Variants in RUNDC3B observed in about 807,000 individuals in gnomAD.
RUNDC3B encodes the protein RUN domain containing 3B.
In RUNDC3B, 33 loss-of-function variants were observed where a neutral mutation model predicts 58.4. The ratio of observed to expected loss-of-function variants is 0.56; its 90% CI spans 0.43 to 0.75. The LOEUF is 0.75. Ranked by LOEUF, RUNDC3B falls within the 30% of genes least tolerant of loss-of-function variation. RUNDC3B has a pLI of 0.00. For synonymous variants in RUNDC3B, 193 were observed against 195.2 expected, an observed-to-expected ratio of 0.99 and a Z score of 0.10; for missense variants, 501 against 535.7, an observed-to-expected ratio of 0.94 and a Z score of 0.64.
intron 4 of RUNDC3B, among the ~76,000 whole-genome samples, chr7:87,736,855 CTATATATATATA>C (rs1554479935): frequency 9.9e-4 from 36 of 36,218 alleles, no homozygotes; most frequent in South Asian, 9.5e-3. Flanking sequence ...ATATATATAC[CTATATATATATA>C]TATATATATA....
intron 2 of RUNDC3B, among the ~76,000 whole-genome samples, chr7:87,674,908 C>T (rs868337321): frequency 6.6e-6 from 1 of 152,116 alleles, no homozygotes; most frequent in Admixed American, 6.5e-5. Context: ...CATGGTAAGC[C>T]TTGGGGGAGG....
chr7:87,802,940 G>A (rs1306045534), intron 8 of RUNDC3B, among the ~76,000 whole-genome samples: 2 of 152,004 alleles, frequency 1.3e-5, no homozygotes, highest in African/African-American at 2.4e-5. Context: ...AGCCATGATC[G>A]TATCACTGCA....
chr7:87,631,038 T>A (rs544468558), intron 1 of RUNDC3B, among the ~76,000 whole-genome samples: 7 of 152,350 alleles, frequency 4.6e-5, no homozygotes, highest in African/African-American at 1.7e-4. Flanking sequence ...TTAGTTACAG[T>A]TTACACATAG....
chr7:87,683,532 T>C (rs1322283424), intron 2 of RUNDC3B, among the ~76,000 whole-genome samples: 1 of 152,148 alleles, frequency 6.6e-6, no homozygotes, highest in East Asian at 1.9e-4. Context: ...CTCAAGGGAA[T>C]AGGGAGACCT....
chr7:87,742,151 A>G lies in RUNDC3B; in HGVS notation c.629+572A>G, dbSNP rs533087999. ...AAATAATAATTAATGACATCTATGT[A>G]TGTTTCTAAGGTCTGCTTGAAAGAT... On this transcript the variant is annotated intron_variant, in intron 6 of 10. Coordinates refer to ENST00000394654, the MANE Select transcript of RUNDC3B (RefSeq NM_001134405.2). Among the ~76,000 whole-genome samples, 12 of 152,298 alleles carry G rather than the reference A, an allele frequency of 7.9e-5. No individual in the cohort carries two copies. The South Asian group carries it at 2.1e-3, about 26-fold the overall frequency.
intron 8 of RUNDC3B, among the ~76,000 whole-genome samples, chr7:87,798,457 T>G (rs1835932482): frequency 6.6e-6 from 1 of 152,154 alleles, no homozygotes; most frequent in African/African-American, 2.4e-5. Context: ...TTACATTTCT[T>G]TTTATTTTTG....
At chr7:87,670,233 G>T (rs1825688889) in intron 2 of RUNDC3B, among the ~76,000 whole-genome samples, 1 of 152,154 alleles carries the variant, frequency 6.6e-6, no homozygotes. Context: ...TTCAGGTGCT[G>T]AGATTCTTTT....
chr7:87,820,469 A>G (rs1837355452), intron 10 of RUNDC3B, among the ~76,000 whole-genome samples: 1 of 152,124 alleles, frequency 6.6e-6, no homozygotes. Flanking sequence ...ACAAGGAGGA[A>G]CTGGTACCAT....
chr7:87,751,098 GGCTAGCCAGTTTTCCCA>G (rs1584100016), intron 6 of RUNDC3B, among the ~76,000 whole-genome samples: 1 of 152,114 alleles, frequency 6.6e-6, no homozygotes, highest in East Asian at 1.9e-4. Flanking sequence ...TTCTACATAT[GGCTAGCCAGTTTTCCCA>G]GCACCATTTA....
intron 2 of RUNDC3B, among the ~76,000 whole-genome samples, chr7:87,696,002 T>A (rs1828463387): frequency 6.6e-6 from 1 of 152,124 alleles, no homozygotes; most frequent in Non-Finnish European, 1.5e-5. Flanking sequence ...TGTCTTTTAG[T>A]CTAGCAAACT....
intron 7 of RUNDC3B, 149 bp downstream of exon 7, chr7:87,770,898 C>G (rs1359045246): frequency 7.5e-6 from 4 of 532,120 alleles, no homozygotes; most frequent in Non-Finnish European, 1.3e-5. Context: ...AATGAAAAAT[C>G]AGGCAACTGT....
At chr7:87,635,711 C>T (rs1460817698) in intron 1 of RUNDC3B, among the ~76,000 whole-genome samples, 1 of 152,198 alleles carries the variant, frequency 6.6e-6, no homozygotes, top group Non-Finnish European at 1.5e-5. Flanking sequence ...AATGTTGTAA[C>T]TAGCACCCAA....
At chr7:87,676,524 T>G (rs972540753) in intron 2 of RUNDC3B, among the ~76,000 whole-genome samples, 2 of 151,636 alleles carry the variant, frequency 1.3e-5, no homozygotes, top group African/African-American at 4.8e-5. Context: ...GCCAACATGG[T>G]GAAACCCCAT....
intron 3 of RUNDC3B, among the ~76,000 whole-genome samples, chr7:87,705,892 T>C (rs554796268): frequency 2.0e-5 from 3 of 152,312 alleles, no homozygotes; most frequent in African/African-American, 7.2e-5. Context: ...TCCAACTGAT[T>C]TCAAGTTCAA....
chr7:87,662,802 T>C lies in RUNDC3B; in HGVS notation c.238+11865T>C, dbSNP rs193277329. ...ATTTCTGTGAAAAATGTCATTGGTA[T>C]TTTGATAGGGATTGCATTGAATATG... On this transcript the variant is annotated intron_variant, in intron 2 of 10. Coordinates refer to ENST00000394654, the MANE Select transcript of RUNDC3B (RefSeq NM_001134405.2). Among the ~76,000 whole-genome samples the C allele has an allele frequency of 4.0e-3, 615 of 152,252 alleles. 1 individual carries two copies. The highest frequency in any genetic ancestry group is 6.4e-3 in the Non-Finnish European group (432 of 68,002).
At chr7:87,743,749 C>T (rs1437546988) in intron 6 of RUNDC3B, among the ~76,000 whole-genome samples, 2 of 152,066 alleles carry the variant, frequency 1.3e-5, no homozygotes, top group African/African-American at 4.8e-5. Flanking sequence ...TGAAGATTTT[C>T]TCCTCCTCTG....
At chr7:87,721,809 C>T (rs896670722) in intron 4 of RUNDC3B, among the ~76,000 whole-genome samples, 5 of 151,874 alleles carry the variant, frequency 3.3e-5, no homozygotes, top group Admixed American at 2.6e-4. Context: ...GTCTCTCTCT[C>T]TCTCTGATCT....
At chr7:87,817,448 A>G (rs1837114151) in intron 10 of RUNDC3B, among the ~76,000 whole-genome samples, 1 of 152,036 alleles carries the variant, frequency 6.6e-6, no homozygotes, top group African/African-American at 2.4e-5. Context: ...CTAGCCTCCT[A>G]CTTGACCTTG....
intron 6 of RUNDC3B, among the ~76,000 whole-genome samples, chr7:87,753,950 A>G (rs1833192017): frequency 6.6e-6 from 1 of 152,220 alleles, no homozygotes; most frequent in Non-Finnish European, 1.5e-5. Context: ...TTATATGTAT[A>G]TAAAGGCACA....
Sources: allele counts gnomAD v4.1 joint callset (sites outside exome capture counted in the v4.1 genomes callset), GRCh38; gene constraint gnomAD v4.1.1; transcripts MANE v1.5; gene names NCBI Gene and HGNC (gene_info 2026-07-23, HGNC 2026-07-21).